EYS: variants seen among roughly 807,000 people sequenced by gnomAD.
The protein encoded by EYS is protein eyes shut homolog.
A neutral mutation model predicts 282.1 loss-of-function variants in EYS; 250 were observed. The ratio of observed to expected loss-of-function variants is 0.89; its 90% confidence interval spans 0.80 to 0.98. The LOEUF (loss-of-function observed/expected upper bound fraction) is 0.98, where lower values mean the gene tolerates loss of function less well. Ranked by LOEUF, EYS falls within the 50% of genes least tolerant of loss-of-function variation. EYS has a pLI of 0.00. For synonymous variants in EYS, 1,355 were observed against 1,282.9 expected, an observed-to-expected ratio of 1.06 and a Z score of -1.20; for missense variants, 4,016 against 3,709.0, an observed-to-expected ratio of 1.08 and a Z score of -2.15.
chr6:64,567,200 T>C (rs574251401), intron 26 of EYS, among the ~76,000 whole-genome samples: 1 of 152,220 alleles, frequency 6.6e-6, no homozygotes, highest in East Asian at 1.9e-4. Flanking sequence ...TAGAAACCAG[T>C]ATTTGTCAAC....
At chr6:64,234,266 T>G (rs953741506) in intron 30 of EYS, among the ~76,000 whole-genome samples, 22 of 152,052 alleles carry the variant, frequency 1.4e-4, no homozygotes, top group African/African-American at 5.1e-4. Flanking sequence ...CACTTTTTTT[T>G]TTACAAAAAT....
intron 22 of EYS, among the ~76,000 whole-genome samples, chr6:64,769,011 T>C (rs890154176): frequency 6.6e-6 from 1 of 152,082 alleles, no homozygotes; most frequent in African/African-American, 2.4e-5. Flanking sequence ...GTGGCTTGTT[T>C]GCTACACTCC....
intron 35 of EYS, among the ~76,000 whole-genome samples, chr6:63,872,904 T>C (rs968402659): frequency 2.0e-5 from 3 of 152,108 alleles, no homozygotes; most frequent in Non-Finnish European, 2.9e-5. Context: ...CCCTGAGTTA[T>C]ACACAGAAAT....
At chr6:63,895,903 T>G (rs1042544014) in intron 35 of EYS, among the ~76,000 whole-genome samples, 2 of 30,486 alleles carry the variant, frequency 6.6e-5, no homozygotes, top group African/African-American at 7.4e-5. Flanking sequence ...AGATCATGAT[T>G]TGTTTTTTTT....
At chr6:65,020,052 G>A (rs1772200509) in intron 13 of EYS, among the ~76,000 whole-genome samples, 1 of 152,046 alleles carries the variant, frequency 6.6e-6, no homozygotes, top group Non-Finnish European at 1.5e-5. Flanking sequence ...ACAACACATG[G>A]GGATTATGGG....
At chr6:65,281,283 G>T (rs1001581728) in intron 12 of EYS, among the ~76,000 whole-genome samples, 3 of 151,804 alleles carry the variant, frequency 2.0e-5, no homozygotes, top group African/African-American at 7.3e-5. Flanking sequence ...GTATTTGTAA[G>T]TAAAACTAGC....
At chr6:64,706,171 C>G (rs1285139713) in intron 22 of EYS, among the ~76,000 whole-genome samples, 1 of 151,974 alleles carries the variant, frequency 6.6e-6, no homozygotes, top group Non-Finnish European at 1.5e-5. Flanking sequence ...AAGCCAAATA[C>G]TTACAGCCAA....
intron 31 of EYS, among the ~76,000 whole-genome samples, chr6:64,198,847 T>A (rs1200403662): frequency 2.6e-5 from 4 of 152,178 alleles, no homozygotes; most frequent in Non-Finnish European, 5.9e-5. Context: ...TACCCAGAAA[T>A]GAGATTGCTG....
chr6:64,295,163 A>G (rs1768874307), intron 30 of EYS, among the ~76,000 whole-genome samples: 1 of 151,270 alleles, frequency 6.6e-6, no homozygotes, highest in African/African-American at 2.4e-5. Context: ...TCACGAGGTC[A>G]GGAGATCAAG....
chr6:63,788,526 C>T (rs74551478), intron 38 of EYS, among the ~76,000 whole-genome samples: 1,608 of 152,214 alleles, frequency 0.011, 19 homozygotes, highest in African/African-American at 0.037. Context: ...TCCATTTAGC[C>T]TTCCTCCTCT....
At chr6:64,234,802 T>C (rs927570756) in intron 30 of EYS, among the ~76,000 whole-genome samples, 1 of 152,114 alleles carries the variant, frequency 6.6e-6, no homozygotes, top group African/African-American at 2.4e-5. Flanking sequence ...ATAACATATA[T>C]AGTTTTGGAC....
chr6:63,729,075 G>A (rs1468010516), intron 41 of EYS, among the ~76,000 whole-genome samples: 5 of 152,108 alleles, frequency 3.3e-5, no homozygotes, highest in African/African-American at 1.2e-4. Flanking sequence ...TCCTAATGAT[G>A]TAAGATGTTG....
chr6:64,877,608 T>G (rs897076477), intron 19 of EYS, among the ~76,000 whole-genome samples: 1 of 152,110 alleles, frequency 6.6e-6, no homozygotes, highest in Non-Finnish European at 1.5e-5. Context: ...ACTGATAATA[T>G]GACCACAATG....
chr6:65,044,466 G>A (rs1236025411), intron 13 of EYS, among the ~76,000 whole-genome samples: 1 of 151,588 alleles, frequency 6.6e-6, no homozygotes, highest in African/African-American at 2.4e-5. Flanking sequence ...ATCCAATTTT[G>A]TGGAGATTTT....
intron 36 of EYS, among the ~76,000 whole-genome samples, chr6:63,830,781 G>T (rs1002952245): frequency 6.6e-6 from 1 of 152,146 alleles, no homozygotes; most frequent in Non-Finnish European, 1.5e-5. Context: ...CACCAAAGTC[G>T]AAATGAAGGG....
chr6:63,988,882 CG>C (rs1767487020), intron 34 of EYS, among the ~76,000 whole-genome samples: 1 of 151,340 alleles, frequency 6.6e-6, no homozygotes, highest in East Asian at 1.9e-4. Context: ...TTTTATGATA[CG>C]TATGAATAAA....
At chr6:64,491,077 T>C (rs1217495726) in intron 26 of EYS, among the ~76,000 whole-genome samples, 2 of 150,854 alleles carry the variant, frequency 1.3e-5, no homozygotes, top group African/African-American at 2.4e-5. Context: ...TAACTAATAT[T>C]TGGAGGAAAA....
At chr6:64,988,531 T>C (rs1218500359) in intron 14 of EYS, among the ~76,000 whole-genome samples, 1 of 151,496 alleles carries the variant, frequency 6.6e-6, no homozygotes, top group Non-Finnish European at 1.5e-5. Flanking sequence ...TTTCCTTCCT[T>C]TCTTTCTCTC....
At chr6:64,715,633 C>T (rs1008975550) in intron 22 of EYS, among the ~76,000 whole-genome samples, 1 of 152,128 alleles carries the variant, frequency 6.6e-6, no homozygotes, top group African/African-American at 2.4e-5. Flanking sequence ...TGCTTGAAAG[C>T]TGAGATAGGT....
Sources: allele counts gnomAD v4.1 joint callset (sites outside exome capture counted in the v4.1 genomes callset), GRCh38; gene constraint gnomAD v4.1.1; transcripts MANE v1.5; gene names NCBI Gene and HGNC (gene_info 2026-07-23, HGNC 2026-07-21).